Variants in ELMO1 observed in about 807,000 individuals in gnomAD.
The protein encoded by ELMO1 is engulfment and cell motility 1, also known as engulfment and cell motility protein 1.
Under a neutral mutation model 98.9 loss-of-function variants are expected in ELMO1, and 26 were observed. The ratio of observed to expected loss-of-function variants is 0.26; its 90% CI spans 0.19 to 0.36. ELMO1 has a LOEUF of 0.36. Ranked by LOEUF, ELMO1 falls within the 10% of genes least tolerant of loss-of-function variation. ELMO1 has a pLI of 1.00. For missense variants in ELMO1, 627 were observed against 935.2 expected (o/e 0.67, Z 4.30); for synonymous variants, 346 against 346.0 (o/e 1.00, Z 0.00).
rs186731954 is a variant in ELMO1, at chr7:37,412,196, A to G, written c.-74+36479T>C. ...ATGAAATCCTTTTGTTCTTTCTTCAAAGGAACAACTGAACTCCAAAAGAAA... is the reference window on the plus strand; with the variant it reads ...ATGAAATCCTTTTGTTCTTTCTTCAGAGGAACAACTGAACTCCAAAAGAAA... On this transcript the variant is annotated intron_variant, in intron 1 of 21. Coordinates refer to ENST00000310758, the MANE Select transcript of ELMO1 (RefSeq NM_014800.11). 4.6e-5 allele frequency among the ~76,000 whole-genome samples: 7 copies of G among 152,314 alleles called. No homozygotes were observed. In the East Asian group the frequency reaches 1.3e-3, roughly 29 times the overall value.
intron 15 of ELMO1, among the ~76,000 whole-genome samples, chr7:37,025,895 T>TTCTATCTATCTA (rs57497721): frequency 0.081 from 11,563 of 142,838 alleles, 523 homozygotes; most frequent in East Asian, 0.11. Context: ...ATATTATATA[T>TTCTATCTATCTA]TCTATCTATC....
chr7:37,443,597 G>A (rs1805498870), intron 1 of ELMO1, among the ~76,000 whole-genome samples: 1 of 152,166 alleles, frequency 6.6e-6, no homozygotes, highest in South Asian at 2.1e-4. Flanking sequence ...ATTGTAACAG[G>A]TTAGAAAATA....
chr7:36,911,063 G>C (rs900022148), intron 16 of ELMO1, among the ~76,000 whole-genome samples: 7 of 152,170 alleles, frequency 4.6e-5, no homozygotes, highest in African/African-American at 1.7e-4. Context: ...GGAACTTACA[G>C]TATGAGAGAG....
intron 2 of ELMO1, among the ~76,000 whole-genome samples, chr7:37,334,484 G>A (rs566900206): frequency 6.6e-6 from 1 of 152,102 alleles, no homozygotes; most frequent in Admixed American, 6.6e-5. Context: ...CCTGGGTTTT[G>A]GTGTTATACA....
chr7:37,163,333 T>C (rs939384354), intron 13 of ELMO1, among the ~76,000 whole-genome samples: 1 of 23,104 alleles, frequency 4.3e-5, no homozygotes, highest in African/African-American at 1.1e-4. Context: ...TATAAGCCAG[T>C]GTTCTTTTTT....
intron 16 of ELMO1, among the ~76,000 whole-genome samples, chr7:37,006,764 T>C (rs1231451040): frequency 1.3e-5 from 2 of 152,246 alleles, no homozygotes; most frequent in Non-Finnish European, 2.9e-5. Context: ...AATATTGCTC[T>C]GTACCACAGT....
chr7:37,204,003 C>T (rs1792455215), intron 13 of ELMO1: 2 of 434,938 alleles, frequency 4.6e-6, no homozygotes, highest in Admixed American at 5.0e-5. Flanking sequence ...GTCTGGCAGC[C>T]ACGCTAGTCG....
chr7:37,238,560 C>A (rs897976019), intron 7 of ELMO1, among the ~76,000 whole-genome samples: 3 of 152,138 alleles, frequency 2.0e-5, no homozygotes, highest in African/African-American at 7.2e-5. Context: ...TATTGACTTA[C>A]TGCAATAGCT....
intron 1 of ELMO1, among the ~76,000 whole-genome samples, chr7:37,347,404 T>C (rs994436240): frequency 1.3e-5 from 2 of 150,034 alleles, no homozygotes; most frequent in African/African-American, 4.9e-5. Flanking sequence ...CAACAGTCCC[T>C]TCCCCTCAGT....
intron 15 of ELMO1, among the ~76,000 whole-genome samples, chr7:37,017,603 T>G (rs1216593284): frequency 1.3e-5 from 2 of 152,190 alleles, no homozygotes; most frequent in African/African-American, 4.8e-5. Context: ...AACTTCTTCA[T>G]GTCTGGAACA....
intron 16 of ELMO1, among the ~76,000 whole-genome samples, chr7:37,004,903 T>A (rs922957365): frequency 6.6e-6 from 1 of 151,766 alleles, no homozygotes; most frequent in South Asian, 2.1e-4. Context: ...GAGGTCAGGA[T>A]AGCGAGACCA....
intron 1 of ELMO1, among the ~76,000 whole-genome samples, chr7:37,414,699 A>G (rs146625101): frequency 2.1e-4 from 32 of 152,308 alleles, no homozygotes; most frequent in African/African-American, 7.2e-4. Flanking sequence ...AATCTTTTCA[A>G]TGATATAAGC....
intron 16 of ELMO1, among the ~76,000 whole-genome samples, chr7:37,005,548 C>G (rs1294089721): frequency 6.6e-6 from 1 of 151,856 alleles, no homozygotes; most frequent in Non-Finnish European, 1.5e-5. Context: ...AAAAATTAAC[C>G]AGGCCTCGTG....
chr7:37,022,202 TAAACA>T (rs1203958065), intron 15 of ELMO1, among the ~76,000 whole-genome samples: 1 of 152,232 alleles, frequency 6.6e-6, no homozygotes. Context: ...GAAAGTTTCT[TAAACA>T]AAACAGAAAT....
rs752263173 is a variant in ELMO1 at position 36,887,610 on chromosome 7, C to T, written c.1664G>A (p.Arg555His). Residue 555 changes from arginine to histidine, a missense_variant, in exon 18 of 22, where the codon CGC becomes CAC. This residue lies in a region of ELMO1 where 492 missense variants were observed against 715.6 expected (regional missense o/e 0.69). Transcript: ENST00000310758. ...LELIKQQRLNRLVEGTCFRKL... is the reference protein window; with the variant it reads ...LELIKQQRLNHLVEGTCFRKL... Reference sequence around the variant, plus strand: ...CCTAAAGCAGGTCCCTTCCACAAGGCGGTTCAGGCGTTGCTGTTTGATCAG... The same window carrying T: ...CCTAAAGCAGGTCCCTTCCACAAGGTGGTTCAGGCGTTGCTGTTTGATCAG... 95 of 1,613,952 alleles carry T rather than the reference C, an allele frequency of 5.9e-5. No individual in the cohort carries two copies. Among genetic ancestry groups the T allele is most frequent in the Non-Finnish European group, 7.6e-5 (90 of 1,179,960 alleles).
intron 1 of ELMO1, among the ~76,000 whole-genome samples, chr7:37,382,882 C>T (rs537713778): frequency 6.6e-6 from 1 of 152,260 alleles, no homozygotes; most frequent in African/African-American, 2.4e-5. Flanking sequence ...TCTTGTTAAT[C>T]TGTCTTTTGT....
chr7:37,184,523 A>T (rs1459017608), intron 13 of ELMO1, among the ~76,000 whole-genome samples: 1 of 152,236 alleles, frequency 6.6e-6, no homozygotes, highest in African/African-American at 2.4e-5. Flanking sequence ...TTGACTGAAA[A>T]GCCATACTTT....
At chr7:37,434,830 C>G (rs1349983921) in intron 1 of ELMO1, among the ~76,000 whole-genome samples, 1 of 152,182 alleles carries the variant, frequency 6.6e-6, no homozygotes, top group Non-Finnish European at 1.5e-5. Flanking sequence ...CACCCTCCTC[C>G]CTGACCTCCC....
In ELMO1 at chr7:37,274,376, C is replaced by T. The variant is rs185754271; in HGVS notation, c.193-2494G>A. ...TTATATTAGTGATTATGGAGAACAA[C>T]GCTCAGAGTGAGCCAGCAGACGTGC... is the stretch of plus-strand genomic sequence containing the variant. On this transcript the variant is annotated intron_variant, in intron 4 of 21. Transcript: ENST00000310758. Among the ~76,000 whole-genome samples the T allele has an allele frequency of 4.4e-3, 665 of 152,248 alleles. 24 individuals are homozygous for T. The highest frequency in any genetic ancestry group is 0.041 in the Admixed American group (632 of 15,292).
Sources: gnomAD v4.1 joint callset for allele counts (sites outside exome capture counted in the v4.1 genomes callset) on GRCh38, gnomAD v4.1.1 for gene constraint, gnomAD v4.1.1 regional missense constraint, MANE v1.5 for transcripts, NCBI Gene and HGNC (gene_info 2026-07-23, HGNC 2026-07-21) for gene names.